Variants in MACROD2 observed in about 807,000 individuals in gnomAD.
MACROD2 encodes the protein ADP-ribose glycohydrolase MACROD2.
A neutral mutation model predicts 70.4 loss-of-function variants in MACROD2; 36 were observed. That is an observed-to-expected ratio of 0.51 (90% CI 0.39 to 0.68). MACROD2 has a LOEUF of 0.68. Among genes scored for constraint, MACROD2 ranks in the 30% least tolerant of loss-of-function variants. The probability of loss-of-function intolerance (pLI) is 0.00; values close to 1 mark genes in which losing one functional copy is unlikely to be tolerated. For synonymous variants in MACROD2, 172 were observed against 178.8 expected (o/e 0.96, Z 0.30); for missense variants, 496 against 538.4 (o/e 0.92, Z 0.78).
chr20:14,119,158 G>GATTTTTT (rs2054550455), intron 3 of MACROD2, among the ~76,000 whole-genome samples: 1 of 80,766 alleles, frequency 1.2e-5, no homozygotes, highest in Non-Finnish European at 2.6e-5. Flanking sequence ...AAATGACTGT[G>GATTTTTT]ATTTTTTTTT....
chr20:14,937,407 C>T (rs1160785121), intron 5 of MACROD2, among the ~76,000 whole-genome samples: 1 of 151,982 alleles, frequency 6.6e-6, no homozygotes, highest in Non-Finnish European at 1.5e-5. Context: ...ATAATTACTT[C>T]TGAGTCTCAA....
intron 2 of MACROD2, among the ~76,000 whole-genome samples, chr20:14,081,131 G>T (rs2053988990): frequency 6.6e-6 from 1 of 152,162 alleles, no homozygotes; most frequent in Non-Finnish European, 1.5e-5. Context: ...CTTGATATCA[G>T]ATCACTCTTG....
intron 8 of MACROD2, among the ~76,000 whole-genome samples, chr20:15,688,514 G>T (rs1301880051): frequency 6.6e-6 from 1 of 152,214 alleles, no homozygotes; most frequent in Non-Finnish European, 1.5e-5. Context: ...AGTGAAGAAT[G>T]TGGTGTGTTC....
chr20:15,425,568 A>T (rs1393252518), intron 6 of MACROD2, among the ~76,000 whole-genome samples: 1 of 152,222 alleles, frequency 6.6e-6, no homozygotes, highest in Non-Finnish European at 1.5e-5. Flanking sequence ...AACAGTAAGG[A>T]ATGTGTTGGC....
chr20:15,253,165 A>G lies in MACROD2; in HGVS notation c.540+23104A>G, dbSNP rs143105831. On this transcript the variant is annotated intron_variant, in intron 6 of 17. Coordinates refer to ENST00000684519, the MANE Select transcript of MACROD2 (RefSeq NM_001351661.2). ...GTCATCAAAATAGGCAGGAAAGGGA[A>G]GGTTTTTGGGAGTCCAGTGGGATGT... 6.0e-4 allele frequency among the ~76,000 whole-genome samples: 91 copies of G among 152,288 alleles called. No individual in the cohort carries two copies. In the East Asian group the frequency reaches 0.017, roughly 29 times the overall value.
intron 5 of MACROD2, among the ~76,000 whole-genome samples, chr20:15,048,556 CAAAT>C (rs1317658645): frequency 1.3e-5 from 2 of 151,598 alleles, no homozygotes; most frequent in African/African-American, 4.8e-5. Flanking sequence ...ACGTGTTACA[CAAAT>C]AAATATACAT....
chr20:14,081,888 G>T (rs989197926), intron 2 of MACROD2, among the ~76,000 whole-genome samples: 1 of 151,932 alleles, frequency 6.6e-6, no homozygotes, highest in Non-Finnish European at 1.5e-5. Flanking sequence ...TGACTGTTGA[G>T]GAAAAAAGAG....
At chr20:14,564,588 A>C (rs1469858493) in intron 4 of MACROD2, among the ~76,000 whole-genome samples, 2 of 152,040 alleles carry the variant, frequency 1.3e-5, no homozygotes, top group African/African-American at 2.4e-5. Context: ...CCCAACAAAC[A>C]TGAAAAAATG....
At chr20:16,042,621 G>C (rs149809308) in intron 16 of MACROD2, among the ~76,000 whole-genome samples, 5 of 152,034 alleles carry the variant, frequency 3.3e-5, no homozygotes, top group Admixed American at 2.6e-4. Flanking sequence ...AGTATCCCTT[G>C]GTTGGAAGAA....
At chr20:14,033,212 T>C (rs1432118618) in intron 2 of MACROD2, among the ~76,000 whole-genome samples, 1 of 151,970 alleles carries the variant, frequency 6.6e-6, no homozygotes, top group Non-Finnish European at 1.5e-5. Context: ...GATTAAAAAT[T>C]CTGTGTTAGT....
chr20:15,024,057 G>A (rs189929593), intron 5 of MACROD2, among the ~76,000 whole-genome samples: 12 of 152,224 alleles, frequency 7.9e-5, no homozygotes, highest in East Asian at 7.7e-4. Flanking sequence ...TTAAAGAAGC[G>A]TGTAAACTGG....
chr20:14,908,662 C>T (rs1311089814), intron 5 of MACROD2, among the ~76,000 whole-genome samples: 1 of 149,442 alleles, frequency 6.7e-6, no homozygotes, highest in East Asian at 2.0e-4. Context: ...ACTCTGTCTG[C>T]CAGAAAAAAA....
At chr20:15,081,108 C>T (rs887926577) in intron 5 of MACROD2, among the ~76,000 whole-genome samples, 1 of 152,162 alleles carries the variant, frequency 6.6e-6, no homozygotes, top group Non-Finnish European at 1.5e-5. Context: ...TATGACCCAT[C>T]AGCCAAATCC....
chr20:14,161,057 G>T (rs1025083948), intron 3 of MACROD2, among the ~76,000 whole-genome samples: 5 of 151,880 alleles, frequency 3.3e-5, no homozygotes, highest in Non-Finnish European at 5.9e-5. Flanking sequence ...CATACCCATT[G>T]TTTAGCTCCC....
intron 5 of MACROD2, among the ~76,000 whole-genome samples, chr20:15,153,124 C>T (rs2076283026): frequency 6.6e-6 from 1 of 152,018 alleles, no homozygotes; most frequent in South Asian, 2.1e-4. Flanking sequence ...CAAGGGAGGT[C>T]CCCCAGTTCG....
intron 8 of MACROD2, among the ~76,000 whole-genome samples, chr20:15,627,936 G>T: frequency 6.6e-6 from 1 of 151,998 alleles, no homozygotes. Context: ...TTGCACTGCC[G>T]TAATTTTCTC....
chr20:14,781,579 A>G (rs2072301696), intron 5 of MACROD2, among the ~76,000 whole-genome samples: 1 of 151,022 alleles, frequency 6.6e-6, no homozygotes, highest in South Asian at 2.1e-4. Context: ...GTGGTACTTC[A>G]GTTATAGCTT....
At chr20:15,280,377 C>T (rs1568689115) in intron 6 of MACROD2, among the ~76,000 whole-genome samples, 1 of 152,060 alleles carries the variant, frequency 6.6e-6, no homozygotes, top group African/African-American at 2.4e-5. Context: ...GACTAAATAT[C>T]TTATATTCAT....
intron 4 of MACROD2, among the ~76,000 whole-genome samples, chr20:14,532,409 G>A (rs140230379): frequency 1.3e-5 from 2 of 149,764 alleles, no homozygotes; most frequent in Non-Finnish European, 3.0e-5. Flanking sequence ...TTATTTAGTA[G>A]AGACGGGGTT....
Sources: gnomAD v4.1 joint callset for allele counts (sites outside exome capture counted in the v4.1 genomes callset) on GRCh38, gnomAD v4.1.1 for gene constraint, MANE v1.5 for transcripts, NCBI Gene and HGNC (gene_info 2026-07-23, HGNC 2026-07-21) for gene names.